The following PPFIBP2 variants were observed in gnomAD, a reference collection of about 807,000 sequenced individuals.
The protein encoded by PPFIBP2 is liprin-beta-2.
Under a neutral mutation model 118.3 loss-of-function variants are expected in PPFIBP2, and 118 were observed. The observed-to-expected ratio is 1.00, with a 90% CI of 0.86 to 1.16. The LOEUF (loss-of-function observed/expected upper bound fraction) is 1.16, where lower values mean the gene tolerates loss of function less well. Ranked by LOEUF, PPFIBP2 falls within the 50% of genes most tolerant of loss-of-function variation. PPFIBP2 has a pLI of 0.00. For synonymous variants in PPFIBP2, 414 were observed against 397.4 expected, an observed-to-expected ratio of 1.04 and a Z score of -0.50; for missense variants, 1,195 against 1,073.1, an observed-to-expected ratio of 1.11 and a Z score of -1.59.
intron 1 of PPFIBP2, among the ~76,000 whole-genome samples, chr11:7,537,821 G>A (rs756953655): frequency 6.6e-6 from 1 of 151,868 alleles, no homozygotes; most frequent in Non-Finnish European, 1.5e-5. Flanking sequence ...TGCCCTCCCC[G>A]CTCCCCACTC....
intron 3 of PPFIBP2, chr11:7,577,527 G>C (rs756150266): frequency 2.2e-6 from 1 of 456,292 alleles, no homozygotes; most frequent in African/African-American, 2.0e-5. Context: ...GGAGAGAACT[G>C]GTCTCCAGCC....
intron 2 of PPFIBP2, among the ~76,000 whole-genome samples, chr11:7,552,382 C>T (rs1174802069): frequency 6.6e-6 from 1 of 152,096 alleles, no homozygotes; most frequent in Admixed American, 6.5e-5. Context: ...TTTCTGGGGA[C>T]GGGGTAGTAT....
At chr11:7,548,906 AGT>A (rs1852629281) in intron 1 of PPFIBP2, among the ~76,000 whole-genome samples, 1 of 152,026 alleles carries the variant, frequency 6.6e-6, no homozygotes, top group East Asian at 1.9e-4. Flanking sequence ...CAATTGGAGG[AGT>A]GGAAGTGGCA....
intron 1 of PPFIBP2, among the ~76,000 whole-genome samples, chr11:7,534,480 T>C (rs1301259136): frequency 6.6e-6 from 1 of 152,168 alleles, no homozygotes; most frequent in East Asian, 1.9e-4. Context: ...TTCACGTCCA[T>C]TTGTTCCTCC....
downstream of PPFIBP2, among the ~76,000 whole-genome samples, chr11:7,656,087 C>T (rs1445791526): frequency 6.6e-6 from 1 of 152,198 alleles, no homozygotes; most frequent in African/African-American, 2.4e-5. Flanking sequence ...ATGTCATTCT[C>T]TCCTGAGCTT....
intron 2 of PPFIBP2, among the ~76,000 whole-genome samples, chr11:7,564,462 T>A (rs1337592885): frequency 6.6e-6 from 1 of 152,148 alleles, no homozygotes; most frequent in African/African-American, 2.4e-5. Flanking sequence ...TATAGAGATA[T>A]ATAGGGGATA....
chr11:7,538,440 T>C (rs1851437198), intron 1 of PPFIBP2: 2 of 152,728 alleles, frequency 1.3e-5, no homozygotes, highest in African/African-American at 4.8e-5. Context: ...TGTTGTGATA[T>C]GTTGCTGGAA....
chr11:7,583,039 T>G (rs1857514237), intron 3 of PPFIBP2, among the ~76,000 whole-genome samples: 1 of 152,208 alleles, frequency 6.6e-6, no homozygotes, highest in Non-Finnish European at 1.5e-5. Flanking sequence ...ATAACTTACC[T>G]TCCTTTCACT....
intron 4 of PPFIBP2, chr11:7,597,093 C>T: frequency 8.0e-7 from 1 of 1,256,000 alleles, no homozygotes; most frequent in Non-Finnish European, 1.1e-6. Flanking sequence ...CATCAAAACA[C>T]TCACCTGATA....
At chr11:7,525,583 C>T (rs1323038032) in intron 1 of PPFIBP2, among the ~76,000 whole-genome samples, 4 of 152,052 alleles carry the variant, frequency 2.6e-5, no homozygotes, top group East Asian at 1.9e-4. Context: ...GAGAACAGCC[C>T]GGAATCAGGT....
rs201406789 is a variant in PPFIBP2 at position 7,581,885 on chromosome 11, G to A, written c.280-11247G>A. On this transcript the variant is annotated intron_variant, in intron 3 of 23. Transcript: ENST00000299492. ...AGAGTCTAGGTCTGTCACCCAGGCT[G>A]GAGTGCAGTGGCACAATCTTGGCTC... Among the ~76,000 whole-genome samples the A allele has an allele frequency of 3.6e-4, 54 of 151,838 alleles. No homozygotes were observed. In the East Asian group the frequency reaches 6.0e-3, roughly 17 times the overall value.
intron 3 of PPFIBP2, chr11:7,568,821 C>G (rs139110258): frequency 3.9e-5 from 6 of 152,176 alleles, no homozygotes; most frequent in Non-Finnish European, 8.8e-5. Context: ...TATTTTTGAG[C>G]GAAGTCCTCC....
chr11:7,662,951 G>A, the PPFIBP2 span, among the ~76,000 whole-genome samples: 1 of 137,656 alleles, frequency 7.3e-6, no homozygotes, highest in Non-Finnish European at 1.6e-5. Context: ...GGCTCCTGAG[G>A]CTTCTGCATT....
At chr11:7,538,655 G>A (rs183569881) in intron 1 of PPFIBP2, among the ~76,000 whole-genome samples, 38 of 152,358 alleles carry the variant, frequency 2.5e-4, no homozygotes, top group Middle Eastern at 3.4e-3. Context: ...AGTGGGTTCA[G>A]CAGAACTAGG....
At chr11:7,581,337 G>C (rs914501728) in intron 3 of PPFIBP2, among the ~76,000 whole-genome samples, 1 of 152,204 alleles carries the variant, frequency 6.6e-6, no homozygotes, top group Non-Finnish European at 1.5e-5. Flanking sequence ...CCCAGGAACA[G>C]AAATCCCAGA....
Position 7,650,962 on chromosome 11 carries a change from C to T in PPFIBP2, c.2244C>T (p.Leu748=). 1 of 1,613,002 alleles carries T rather than the reference C, an allele frequency of 6.2e-7. No individual in the cohort carries two copies. Among genetic ancestry groups the T allele is most frequent in the East Asian group, 2.2e-5 (1 of 44,872 alleles). Residue 748 remains leucine, a synonymous_variant, in exon 22 of 24, where the codon CTC becomes CTT. Transcript: ENST00000299492. The part of the protein sequence containing the change: ...NLRGSGVHGG[L]IILEPRFTGD... ...GAGGGAGTGGAGTCCATGGAGGCCT[C>T]ATTGTGAGTGGCTCTCTGGCCTAGC...
intron 5 of PPFIBP2, 121 bp downstream of exon 5, chr11:7,597,794 G>T (rs1860638218): frequency 3.6e-6 from 3 of 823,112 alleles, no homozygotes; most frequent in African/African-American, 1.7e-5. Context: ...GGGCGGGATT[G>T]GCTGCTCAGT....
intron 5 of PPFIBP2, 190 bp downstream of exon 5, chr11:7,597,863 TAGGGA>T: frequency 1.8e-6 from 1 of 564,296 alleles, no homozygotes; most frequent in Non-Finnish European, 3.2e-6. Flanking sequence ...GCAGAGGGGG[TAGGGA>T]AGGGAAGGGC....
the PPFIBP2 span, chr11:7,667,211 G>A: frequency 6.6e-6 from 1 of 151,764 alleles, no homozygotes; most frequent in Non-Finnish European, 1.5e-5. Flanking sequence ...ATATTATTTA[G>A]AACTGAAAAC....
Sources: gnomAD v4.1 joint callset for allele counts (sites outside exome capture counted in the v4.1 genomes callset) on GRCh38, gnomAD v4.1.1 for gene constraint, MANE v1.5 for transcripts, NCBI Gene and HGNC (gene_info 2026-07-23, HGNC 2026-07-21) for gene names.